MAPK8: variants seen among roughly 807,000 people sequenced by gnomAD.
MAPK8 encodes the protein JUN N-terminal kinase.
Under a neutral mutation model 52.9 loss-of-function variants are expected in MAPK8, and 13 were observed. The observed-to-expected ratio is 0.25, with a 90% CI of 0.16 to 0.39. The LOEUF (loss-of-function observed/expected upper bound fraction) is 0.39, where lower values mean the gene tolerates loss of function less well. Ranked by LOEUF, MAPK8 falls within the 10% of genes least tolerant of loss-of-function variation. The pLI is 1.00. For missense variants in MAPK8, 300 were observed against 519.2 expected (o/e 0.58, Z 4.10); for synonymous variants, 191 against 169.8 (o/e 1.12, Z -0.97).
chr10:48,372,195 T>C (rs1052442974), intron 1 of MAPK8, among the ~76,000 whole-genome samples: 4 of 151,952 alleles, frequency 2.6e-5, no homozygotes, highest in African/African-American at 9.7e-5. Context: ...ACCCTCTAAT[T>C]ATGATTACAA....
In MAPK8 at chr10:48,362,391, T is replaced by C. The variant is rs75068372; in HGVS notation, c.-49-39221T>C. Among the ~76,000 whole-genome samples, 774 of 152,262 alleles carry C rather than the reference T, an allele frequency of 5.1e-3. 3 individuals are homozygous for C. The highest frequency in any genetic ancestry group is 7.7e-3 in the Non-Finnish European group (525 of 68,018). On this transcript the variant is annotated intron_variant, in intron 1 of 11. Coordinates refer to ENST00000374189, the MANE Select transcript of MAPK8 (RefSeq NM_001323329.2). Reference sequence around the variant, plus strand: ...TTCTGCCTTGCTTTAAGATGAACTTTGAGTGTTTTATTTCTACTAACTAGT... The same window carrying C: ...TTCTGCCTTGCTTTAAGATGAACTTCGAGTGTTTTATTTCTACTAACTAGT...
At chr10:48,385,141 A>G (rs2041235117) in intron 1 of MAPK8, among the ~76,000 whole-genome samples, 1 of 152,242 alleles carries the variant, frequency 6.6e-6, no homozygotes, top group African/African-American at 2.4e-5. Flanking sequence ...CAGTTAGTCT[A>G]GAGCTTCCAT....
intron 1 of MAPK8, among the ~76,000 whole-genome samples, chr10:48,374,949 A>G (rs976842001): frequency 1.3e-5 from 2 of 152,210 alleles, no homozygotes; most frequent in African/African-American, 4.8e-5. Flanking sequence ...ACAAAATTTC[A>G]GGCCAATATC....
chr10:48,334,374 G>C (rs1019666667), intron 1 of MAPK8, among the ~76,000 whole-genome samples: 2 of 151,860 alleles, frequency 1.3e-5, no homozygotes, highest in East Asian at 3.9e-4. Context: ...CGTTTCCCTC[G>C]CAGAACGGAA....
chr10:48,419,773 T>A (rs2043249072), intron 5 of MAPK8, among the ~76,000 whole-genome samples: 1 of 152,232 alleles, frequency 6.6e-6, no homozygotes, highest in Non-Finnish European at 1.5e-5. Flanking sequence ...AATGAGATTT[T>A]AAAAATATTG....
At chr10:48,377,810 A>G (rs1215616790) in intron 1 of MAPK8, among the ~76,000 whole-genome samples, 6 of 152,192 alleles carry the variant, frequency 3.9e-5, no homozygotes, top group Admixed American at 3.9e-4. Context: ...TAAAAGATGA[A>G]TAGGGAGGGA....
intron 1 of MAPK8, among the ~76,000 whole-genome samples, chr10:48,329,886 A>G (rs1437226046): frequency 6.6e-6 from 1 of 152,222 alleles, no homozygotes; most frequent in Non-Finnish European, 1.5e-5. Context: ...CTTTTTGAAA[A>G]TAATATTAAC....
chr10:48,345,746 C>A (rs1845709731), intron 1 of MAPK8, among the ~76,000 whole-genome samples: 1 of 152,100 alleles, frequency 6.6e-6, no homozygotes, highest in African/African-American at 2.4e-5. Flanking sequence ...CAGTAAAAGT[C>A]CTGAGTTTTC....
rs1456804340 is a variant in MAPK8 at position 48,306,728 on chromosome 10, C to T, written c.-143C>T. On this transcript the variant is annotated 5_prime_UTR_variant, in exon 1 of 12. Transcript: ENST00000374189. ...GACGACGCGGCTTGGATTGCGGAGC[C>T]GCGAGCAGCGCTGGGTAACGGCCGC... 1 of 151,498 alleles carries T rather than the reference C, an allele frequency of 6.6e-6. No homozygotes were observed. The highest frequency in any genetic ancestry group is 1.5e-5 in the Non-Finnish European group (1 of 67,800). 9.4% of individuals were successfully genotyped at this position (151,498 alleles called of 1,614,324 possible).
chr10:48,342,407 A>G (rs1232845450), intron 1 of MAPK8, among the ~76,000 whole-genome samples: 9 of 152,330 alleles, frequency 5.9e-5, no homozygotes, highest in African/African-American at 2.2e-4. Flanking sequence ...ACCTGGCCAT[A>G]ATTTTATTTT....
chr10:48,436,503 G>C lies in MAPK8; in HGVS notation c.*1474G>C, dbSNP rs910150175. The C allele has an allele frequency of 5.3e-5, 8 of 152,180 alleles. No homozygotes were observed. The highest frequency in any genetic ancestry group is 1.9e-4 in the African/African-American group (8 of 41,440). The allele number at this position is 152,180 out of a possible 1,614,324, so 9.4% of individuals were successfully genotyped here. A position where few individuals can be genotyped will look rare whatever the true frequency, so the allele number is the denominator to read the frequency against. Reference sequence around the variant, plus strand: ...ATCTCTGGAACAAGAGGGATTTCATGTAATGAACTAGGAAATGCATACTCA... The same window carrying C: ...ATCTCTGGAACAAGAGGGATTTCATCTAATGAACTAGGAAATGCATACTCA... On this transcript the variant is annotated 3_prime_UTR_variant, in exon 12 of 12. Coordinates refer to ENST00000374189, the MANE Select transcript of MAPK8 (RefSeq NM_001323329.2).
Position 48,345,010 on chromosome 10 carries a change from C to T in MAPK8, c.-50+38189C>T, listed in dbSNP as rs568227856. On this transcript the variant is annotated intron_variant, in intron 1 of 11. Transcript: ENST00000374189. Reference sequence around the variant, plus strand: ...GGGTTAAAAGTTTTTTAAAAAAATCCGTGAATGCTTGAAAAAGATTGTGCA... The same window carrying T: ...GGGTTAAAAGTTTTTTAAAAAAATCTGTGAATGCTTGAAAAAGATTGTGCA... Among the ~76,000 whole-genome samples, 13 of 151,898 alleles carry T rather than the reference C, an allele frequency of 8.6e-5. No homozygotes were observed. In the South Asian group the frequency reaches 2.3e-3, roughly 27 times the overall value.
chr10:48,364,310 G>A (rs1847834218), intron 1 of MAPK8, among the ~76,000 whole-genome samples: 1 of 151,670 alleles, frequency 6.6e-6, no homozygotes, highest in Admixed American at 6.6e-5. Context: ...AGCACACATT[G>A]GTATCTTGAG....
intron 1 of MAPK8, among the ~76,000 whole-genome samples, chr10:48,368,164 C>A (rs1340370034): frequency 6.6e-6 from 1 of 152,144 alleles, no homozygotes; most frequent in Non-Finnish European, 1.5e-5. Flanking sequence ...TAGATTAATT[C>A]AAAAATATTT....
At chr10:48,417,202 G>A (rs1016660889) in intron 5 of MAPK8, among the ~76,000 whole-genome samples, 3 of 152,184 alleles carry the variant, frequency 2.0e-5, no homozygotes, top group South Asian at 4.1e-4. Flanking sequence ...GACCTTTGGC[G>A]TTAGGTCTGA....
At chr10:48,321,643 C>T (rs1286002744) in intron 1 of MAPK8, among the ~76,000 whole-genome samples, 1 of 152,102 alleles carries the variant, frequency 6.6e-6, no homozygotes, top group Non-Finnish European at 1.5e-5. Flanking sequence ...AGTTTTAGCT[C>T]TTACATTTAG....
chr10:48,387,285 T>C (rs2041371237), intron 1 of MAPK8, among the ~76,000 whole-genome samples: 1 of 152,170 alleles, frequency 6.6e-6, no homozygotes, highest in South Asian at 2.1e-4. Context: ...AATTTTTTTC[T>C]GGACTCATGG....
At chr10:48,319,816 G>T (rs1343099224) in intron 1 of MAPK8, among the ~76,000 whole-genome samples, 1 of 151,874 alleles carries the variant, frequency 6.6e-6, no homozygotes, top group Non-Finnish European at 1.5e-5. Flanking sequence ...CATGTAAGTG[G>T]AATCATACAC....
intron 1 of MAPK8, among the ~76,000 whole-genome samples, chr10:48,325,236 G>A (rs533882038): frequency 1.6e-4 from 25 of 152,050 alleles, no homozygotes; most frequent in African/African-American, 5.5e-4. Context: ...TTGGCCTCCC[G>A]CCTGTCATCC....
Sources: gnomAD v4.1 joint callset for allele counts (sites outside exome capture counted in the v4.1 genomes callset) on GRCh38, gnomAD v4.1.1 for gene constraint, MANE v1.5 for transcripts, NCBI Gene and HGNC (gene_info 2026-07-23, HGNC 2026-07-21) for gene names.